Variants in BCL7A observed in about 807,000 individuals in gnomAD.
BCL7A encodes B-cell CLL/lymphoma 7 protein family member A.
BCL7A carries 11 observed loss-of-function variants against 28.4 expected under a neutral mutation model. That is an observed-to-expected ratio of 0.39 (90% CI 0.24 to 0.64). The LOEUF (loss-of-function observed/expected upper bound fraction) is 0.64. BCL7A is among the 30% of genes least tolerant of loss of function. The pLI, the probability that BCL7A is intolerant of heterozygous loss-of-function variation, is 0.50. For missense variants in BCL7A, 222 were observed against 274.8 expected (o/e 0.81, Z 1.36); for synonymous variants, 123 against 103.3 (o/e 1.19, Z -1.15).
rs915403639 is a variant in BCL7A at position 122,060,376 on chromosome 12, C to G, written c.*1213C>G. ...CTTGATGGCCGGGCCTCGAAGGCCA[C>G]AAACAAGGCGTCGAGGAATTGGAAA... On this transcript the variant is annotated 3_prime_UTR_variant, in exon 6 of 6. Coordinates refer to ENST00000261822, the MANE Select transcript of BCL7A (RefSeq NM_001024808.3). The G allele has an allele frequency of 4.3e-6, 1 of 232,926 alleles. No homozygotes were observed. The highest frequency in any genetic ancestry group is 8.5e-6 in the Non-Finnish European group (1 of 117,736). The allele number at this position is 232,926 out of a possible 1,614,324, so 14.4% of individuals were successfully genotyped here. A position where few individuals can be genotyped will look rare whatever the true frequency, so the allele number is the denominator to read the frequency against.
At chr12:122,053,687 A>AC (rs1241074435) in intron 4 of BCL7A, among the ~76,000 whole-genome samples, 35 of 60,302 alleles carry the variant, frequency 5.8e-4, no homozygotes, top group East Asian at 6.6e-4. Context: ...AGCTGCACCC[A>AC]CCCCCCCGCC....
intron 1 of BCL7A, among the ~76,000 whole-genome samples, chr12:122,028,208 C>T (rs1883670513): frequency 1.3e-5 from 2 of 152,322 alleles, no homozygotes; most frequent in East Asian, 1.9e-4. Flanking sequence ...ACTGGGGTAA[C>T]TTGAGAACTC....
chr12:122,038,499 G>C (rs1009095115), intron 3 of BCL7A, among the ~76,000 whole-genome samples: 12 of 126,940 alleles, frequency 9.5e-5, no homozygotes, highest in Non-Finnish European at 1.3e-4. Flanking sequence ...TGTCAAGAAA[G>C]CCCCCCCAAC....
At chr12:122,045,441 T>C (rs1368954743) in intron 4 of BCL7A, among the ~76,000 whole-genome samples, 1 of 151,934 alleles carries the variant, frequency 6.6e-6, no homozygotes, top group Non-Finnish European at 1.5e-5. Flanking sequence ...GCCTCAGGTG[T>C]GGGGGGCTCG....
At chr12:122,051,096 C>T (rs1387898641) in intron 4 of BCL7A, among the ~76,000 whole-genome samples, 1 of 152,218 alleles carries the variant, frequency 6.6e-6, no homozygotes, top group Non-Finnish European at 1.5e-5. Flanking sequence ...GATTTGAGCT[C>T]CGCAGCAGGA....
chr12:122,058,805 A>G (rs1951895871), intron 5 of BCL7A, among the ~76,000 whole-genome samples: 1 of 152,198 alleles, frequency 6.6e-6, no homozygotes. Flanking sequence ...CCAAGGCAGC[A>G]GTGTAGGAAA....
At chr12:122,031,362 C>A (rs1408500782) in intron 2 of BCL7A, among the ~76,000 whole-genome samples, 3 of 152,106 alleles carry the variant, frequency 2.0e-5, no homozygotes, top group Non-Finnish European at 2.9e-5. Context: ...GCGCCCCCCC[C>A]AGGGCTTGGC....
intron 1 of BCL7A, among the ~76,000 whole-genome samples, chr12:122,024,745 T>A (rs1428142557): frequency 3.3e-5 from 5 of 152,158 alleles, no homozygotes; most frequent in Non-Finnish European, 7.3e-5. Flanking sequence ...AAAATAAATG[T>A]TTTTGAGTAT....
chr12:122,022,282 C>A, intron 1 of BCL7A, 99 bp downstream of exon 1: 2 of 671,434 alleles, frequency 3.0e-6, no homozygotes, highest in South Asian at 6.3e-5. Flanking sequence ...CCGCCTGCCC[C>A]GGCCCAGCCC....
intron 1 of BCL7A, among the ~76,000 whole-genome samples, chr12:122,024,158 T>A (rs1315981032): frequency 6.6e-6 from 1 of 152,326 alleles, no homozygotes; most frequent in South Asian, 2.1e-4. Flanking sequence ...TGAGGGGCTG[T>A]ACCTCTGCGC....
chr12:122,022,765 C>G (rs1416794913), intron 1 of BCL7A, among the ~76,000 whole-genome samples: 1 of 151,006 alleles, frequency 6.6e-6, no homozygotes, highest in Admixed American at 6.6e-5. Context: ...TTGCAGAGCG[C>G]GAGCCGTTTA....
rs1480862585 is a variant in BCL7A, at chr12:122,049,053, TACATATAC to T, written c.439+5004_439+5011del. On this transcript the variant is annotated intron_variant, in intron 4 of 5. Transcript: ENST00000261822. Reference sequence around the variant, plus strand: ...AAAAAAAAATATATATATATATATATACATATACACACACACAAAAAAAAATACATAAA... The same window carrying T: ...AAAAAAAAATATATATATATATATATACACACACAAAAAAAAATACATAAA... Among the ~76,000 whole-genome samples, 74 of 59,938 alleles carry T rather than the reference TACATATAC, an allele frequency of 1.2e-3. 1 individual carries two copies. The highest frequency in any genetic ancestry group is 5.3e-3 in the African/African-American group (71 of 13,410). 39.3% of individuals were successfully genotyped at this position (59,938 alleles called of 152,430 possible).
In BCL7A at chr12:122,061,553, G is replaced by GGGGGC; in HGVS notation, c.*2390_*2391insGGGGC. On this transcript the variant is annotated 3_prime_UTR_variant, in exon 6 of 6. Transcript: ENST00000261822. ...TGGCGCAGTCGCTCCTCGAGCCGCTGCCCCCCACCCACCCTGCACCCCTCG... is the reference window on the plus strand; with the variant it reads ...TGGCGCAGTCGCTCCTCGAGCCGCTGGGGGCCCCCCCACCCACCCTGCACCCCTCG... 2 of 218,120 alleles carry GGGGGC rather than the reference G, an allele frequency of 9.2e-6. No individual in the cohort carries two copies. The highest frequency in any genetic ancestry group is 9.2e-6 in the Non-Finnish European group (1 of 109,102). The allele number at this position is 218,120 out of a possible 1,614,324, so 13.5% of individuals were successfully genotyped here.
rs1204128098 is a variant in BCL7A, at chr12:122,061,553, GC to G, written c.*2396del. On this transcript the variant is annotated 3_prime_UTR_variant, in exon 6 of 6. Transcript: ENST00000261822. ...TGGCGCAGTCGCTCCTCGAGCCGCTGCCCCCCACCCACCCTGCACCCCTCGC... is the reference window on the plus strand; with the variant it reads ...TGGCGCAGTCGCTCCTCGAGCCGCTGCCCCCACCCACCCTGCACCCCTCGC... The G allele has an allele frequency of 9.2e-6, 2 of 218,412 alleles. No homozygotes were observed. Among genetic ancestry groups the G allele is most frequent in the South Asian group, 1.9e-4 (1 of 5,324 alleles). The allele number at this position is 218,412 out of a possible 1,614,324, so 13.5% of individuals were successfully genotyped here.
At chr12:122,036,333 G>C (rs933062115) in intron 3 of BCL7A, among the ~76,000 whole-genome samples, 1 of 152,056 alleles carries the variant, frequency 6.6e-6, no homozygotes, top group Non-Finnish European at 1.5e-5. Context: ...GGAGTTCAAG[G>C]CTGCAGTGAG....
intron 2 of BCL7A, among the ~76,000 whole-genome samples, chr12:122,033,283 G>A (rs917727522): frequency 2.6e-5 from 4 of 151,826 alleles, no homozygotes; most frequent in African/African-American, 9.7e-5. Context: ...CTGCAGGCAT[G>A]CATACCTGGC....
At chr12:122,050,576 G>A (rs577063902) in intron 4 of BCL7A, among the ~76,000 whole-genome samples, 1 of 152,280 alleles carries the variant, frequency 6.6e-6, no homozygotes, top group South Asian at 2.1e-4. Context: ...GGTGAGACGG[G>A]GGCTGTGGTC....
chr12:122,046,697 AC>A (rs1421975380), intron 4 of BCL7A, among the ~76,000 whole-genome samples: 1 of 152,130 alleles, frequency 6.6e-6, no homozygotes, highest in Non-Finnish European at 1.5e-5. Flanking sequence ...TGAGCTTAAA[AC>A]AGGATTGATT....
chr12:122,024,623 A>C (rs941193264), intron 1 of BCL7A, among the ~76,000 whole-genome samples: 1 of 152,158 alleles, frequency 6.6e-6, no homozygotes, highest in Non-Finnish European at 1.5e-5. Context: ...TGTGGTCACC[A>C]ACCATGCATT....
Sources: gnomAD v4.1 joint callset for allele counts (sites outside exome capture counted in the v4.1 genomes callset) on GRCh38, gnomAD v4.1.1 for gene constraint, MANE v1.5 for transcripts, NCBI Gene and HGNC (gene_info 2026-07-23, HGNC 2026-07-21) for gene names.